C12orf54: variants seen among roughly 807,000 people sequenced by gnomAD.
C12orf54 encodes the protein chromosome 12 open reading frame 54.
Under a neutral mutation model 26.4 loss-of-function variants are expected in C12orf54, and 24 were observed. The ratio of observed to expected loss-of-function variants is 0.91; its 90% CI spans 0.66 to 1.28. The LOEUF (loss-of-function observed/expected upper bound fraction) is 1.28, where lower values mean the gene tolerates loss of function less well. C12orf54 is among the 50% of genes most tolerant of loss of function. The pLI is 0.00. For synonymous variants in C12orf54, 54 were observed against 47.0 expected (o/e 1.15, Z -0.61); for missense variants, 154 against 150.9 (o/e 1.02, Z -0.11).
chr12:48,486,218 G>T lies in C12orf54; in HGVS notation c.96+10G>T. The T allele has an allele frequency of 6.2e-7, 1 of 1,608,752 alleles. No individual in the cohort carries two copies. Among genetic ancestry groups the T allele is most frequent in the Middle Eastern group, 1.7e-4 (1 of 5,946 alleles). ...GACAATGAGACCACAGGTGGGTAAG[G>T]TATCCAAATTCTCTGGATCCTCTGG... On this transcript the variant is annotated intron_variant, in intron 3 of 8. Coordinates refer to ENST00000548364, the MANE Select transcript of C12orf54 (RefSeq NM_152319.4).
At chr12:48,450,927 A>G in the C12orf54 span, among the ~76,000 whole-genome samples, 7 of 152,250 alleles carry the variant, frequency 4.6e-5, no homozygotes, top group South Asian at 1.2e-3. Flanking sequence ...ATTCCCACTA[A>G]AACTATTACA....
At chr12:48,424,697 T>C in the C12orf54 span, among the ~76,000 whole-genome samples, 2 of 152,118 alleles carry the variant, frequency 1.3e-5, no homozygotes, top group Admixed American at 1.3e-4. Context: ...GCAATTTCAC[T>C]CATAGGCATT....
upstream of C12orf54, among the ~76,000 whole-genome samples, chr12:48,480,749 A>G (rs1954190132): frequency 6.6e-6 from 1 of 152,164 alleles, no homozygotes; most frequent in Admixed American, 6.5e-5. Context: ...AAAAAGACAC[A>G]TGTACTTGTA....
At chr12:48,426,028 G>T in the C12orf54 span, among the ~76,000 whole-genome samples, 1 of 149,576 alleles carries the variant, frequency 6.7e-6, no homozygotes. Context: ...ATCCCATTCT[G>T]TAGGTTGTCT....
chr12:48,471,337 A>C, the C12orf54 span, among the ~76,000 whole-genome samples: 1 of 152,048 alleles, frequency 6.6e-6, no homozygotes, highest in Non-Finnish European at 1.5e-5. Flanking sequence ...TTCTTTATCC[A>C]TCCATCTGCT....
intron 4 of C12orf54, 42 bp downstream of exon 4, chr12:48,486,768 G>A (rs777116639): frequency 1.6e-5 from 25 of 1,570,208 alleles, no homozygotes; most frequent in Non-Finnish European, 2.1e-5. Context: ...GGCATGAGGT[G>A]GGAGGTGGGG....
chr12:48,495,001 T>C lies in C12orf54; in HGVS notation c.*40+22T>C, dbSNP rs1937881485. 1.9e-6 allele frequency: 3 copies of C among 1,539,282 alleles called. No individual in the cohort carries two copies. In the South Asian group the frequency reaches 3.4e-5, roughly 18 times the overall value. On this transcript the variant is annotated intron_variant, in intron 8 of 8. Coordinates refer to ENST00000548364, the MANE Select transcript of C12orf54 (RefSeq NM_152319.4). Reference sequence around the variant, plus strand: ...CCAGGTGCTTTACCCAAGCAGCCTTTCCCCTGAGCTCCACCCTGCCCATCT... The same window carrying C: ...CCAGGTGCTTTACCCAAGCAGCCTTCCCCCTGAGCTCCACCCTGCCCATCT...
At chr12:48,444,899 G>A in the C12orf54 span, among the ~76,000 whole-genome samples, 2 of 152,198 alleles carry the variant, frequency 1.3e-5, no homozygotes, top group Admixed American at 6.5e-5. Context: ...ATGGCCGGGC[G>A]CAGTGGCTCA....
chr12:48,421,516 T>G, the C12orf54 span, among the ~76,000 whole-genome samples: 178 of 125,432 alleles, frequency 1.4e-3, 3 homozygotes, highest in African/African-American at 5.2e-3. Flanking sequence ...CATGTGCTTT[T>G]TTTTTTTTTT....
chr12:48,493,048 T>G, intron 7 of C12orf54, 53 bp downstream of exon 7: 1 of 1,490,840 alleles, frequency 6.7e-7, no homozygotes, highest in Non-Finnish European at 9.4e-7. Flanking sequence ...CACCTGGATA[T>G]GGGTGTGCTG....
chr12:48,477,925 C>T (rs1379651926), upstream of C12orf54, among the ~76,000 whole-genome samples: 1 of 152,176 alleles, frequency 6.6e-6, no homozygotes, highest in African/African-American at 2.4e-5. Flanking sequence ...GATACCAAAG[C>T]CTGGCAGAGA....
At chr12:48,445,087 CGG>C in the C12orf54 span, among the ~76,000 whole-genome samples, 1 of 151,932 alleles carries the variant, frequency 6.6e-6, no homozygotes, top group African/African-American at 2.4e-5. Context: ...AGGAGAATGG[CGG>C]GTGAACCCGG....
At chr12:48,493,987 G>A (rs1343984539) in intron 7 of C12orf54, among the ~76,000 whole-genome samples, 1 of 150,330 alleles carries the variant, frequency 6.7e-6, no homozygotes, top group Non-Finnish European at 1.5e-5. Context: ...GGGAGGCCGA[G>A]GCAGGTGGAT....
chr12:48,449,312 C>A, the C12orf54 span, among the ~76,000 whole-genome samples: 1 of 152,172 alleles, frequency 6.6e-6, no homozygotes, highest in East Asian at 1.9e-4. Context: ...AATTTTCCCC[C>A]ACAAAGGATG....
the C12orf54 span, among the ~76,000 whole-genome samples, chr12:48,426,827 T>TGTGGTATATTCCTA: frequency 6.6e-6 from 1 of 152,136 alleles, no homozygotes; most frequent in African/African-American, 2.4e-5. Flanking sequence ...CCTAGGTATT[T>TGTGGTATATTCCTA]TGTTTTTGTG....
At chr12:48,428,643 C>G in the C12orf54 span, among the ~76,000 whole-genome samples, 1 of 152,024 alleles carries the variant, frequency 6.6e-6, no homozygotes, top group African/African-American at 2.4e-5. Flanking sequence ...CCTAAACAGA[C>G]CAATAACAAG....
the C12orf54 span, among the ~76,000 whole-genome samples, chr12:48,424,164 G>T: frequency 1.3e-5 from 2 of 152,018 alleles, no homozygotes; most frequent in Non-Finnish European, 2.9e-5. Flanking sequence ...ATTTTAGAAT[G>T]CTAAGAGCAA....
chr12:48,436,442 T>C, the C12orf54 span, among the ~76,000 whole-genome samples: 1 of 152,092 alleles, frequency 6.6e-6, no homozygotes, highest in Non-Finnish European at 1.5e-5. Context: ...CCACCCCAAA[T>C]CAACACAATA....
chr12:48,494,600 T>A (rs564398836), intron 7 of C12orf54, among the ~76,000 whole-genome samples, 198 bp from the exon 8 acceptor site: 9 of 152,238 alleles, frequency 5.9e-5, no homozygotes, highest in Non-Finnish European at 1.2e-4. Context: ...TGATGCTTCA[T>A]CTCCTAAAGC....
Sources: allele counts gnomAD v4.1 joint callset (sites outside exome capture counted in the v4.1 genomes callset), GRCh38; gene constraint gnomAD v4.1.1; transcripts MANE v1.5; gene names NCBI Gene and HGNC (gene_info 2026-07-23, HGNC 2026-07-21).